SPEG: variants seen among roughly 807,000 people sequenced by gnomAD.
The protein encoded by SPEG is striated muscle preferentially expressed protein kinase.
SPEG carries 114 observed loss-of-function variants against 300.4 expected under a neutral mutation model. The observed-to-expected ratio is 0.38, with a 90% CI of 0.33 to 0.44. The LOEUF is 0.44. Ranked by LOEUF, SPEG falls within the 20% of genes least tolerant of loss-of-function variation. The pLI, the probability that SPEG is intolerant of heterozygous loss-of-function variation, is 1.00. For synonymous variants in SPEG, 1,964 were observed against 2,018.9 expected (o/e 0.97, Z 0.73); for missense variants, 4,201 against 4,586.2 (o/e 0.92, Z 2.43).
chr2:219,481,233 G>C lies in SPEG; in HGVS notation c.5370-71G>C. ...ACCCCAGAGCCTCCATCTGTCCCCA[G>C]CCCTGTGCCCCCACTGACATTCCCC... On this transcript the variant is annotated intron_variant, in intron 26 of 40. Coordinates refer to ENST00000312358, the MANE Select transcript of SPEG (RefSeq NM_005876.5). The surrounding 1 kb of genome is among the most constrained non-coding windows in gnomAD (Gnocchi z 5.4). The C allele has an allele frequency of 1.3e-6, 2 of 1,520,428 alleles. No individual in the cohort carries two copies. 94.2% of individuals were successfully genotyped at this position (1,520,428 alleles called of 1,614,324 possible).
chr2:219,449,290 C>A lies in SPEG; in HGVS notation c.2113+19C>A. 1 of 1,361,918 alleles carries A rather than the reference C, an allele frequency of 7.3e-7. No individual in the cohort carries two copies. The highest frequency in any genetic ancestry group is 9.5e-7 in the Non-Finnish European group (1 of 1,056,248). The allele number at this position is 1,361,918 out of a possible 1,614,324, so 84.4% of individuals were successfully genotyped here. ...GAGCTCGGTAAGGCCTCAGGGAGGGCTGACAAGGTGCCTGAACCCCCGTCG... is the reference window on the plus strand; with the variant it reads ...GAGCTCGGTAAGGCCTCAGGGAGGGATGACAAGGTGCCTGAACCCCCGTCG... On this transcript the variant is annotated intron_variant, in intron 4 of 40. Coordinates refer to ENST00000312358, the MANE Select transcript of SPEG (RefSeq NM_005876.5).
chr2:219,451,264 A>C lies in SPEG; in HGVS notation c.2242A>C (p.Asn748His). 3 of 1,610,748 alleles carry C rather than the reference A, an allele frequency of 1.9e-6. No individual in the cohort carries two copies. Among genetic ancestry groups the C allele is most frequent in the Non-Finnish European group, 2.5e-6 (3 of 1,178,590 alleles). ...GCTGCTCAAGTGTATCATCACTGCC[A>C]ACCCCCCGCCCCAAGGTGAGCTCCA... ...DVLLKCIITA[N>H]PPPQVSWHKD... The change falls in exon 5 of 41, where the codon AAC becomes CAC. Residue 748 changes from asparagine to histidine, a missense_variant. Asn to His is a moderately conservative substitution (Grantham distance 68). Around this residue, in one of 4 missense-constraint regions of SPEG, gnomAD observed 1,258 missense variants for 1,293.9 expected, o/e 0.97. Transcript: ENST00000312358. The surrounding 1 kb of genome is among the most constrained non-coding windows in gnomAD (Gnocchi z 6.4).
At position 219,458,198 on chromosome 2, in the gene SPEG, C is replaced by T. The variant is rs6754322; in HGVS notation, c.2441-3684C>T. On this transcript the variant is annotated intron_variant, in intron 6 of 40. Coordinates refer to ENST00000312358, the MANE Select transcript of SPEG (RefSeq NM_005876.5). The surrounding 1 kb of genome is among the most constrained non-coding windows in gnomAD (Gnocchi z 4.2). ...GAGGTGGCAGTGAGTAGGCAGAGAG[C>T]CCCATGACTTTTCAAGCCCTTGAGC... Among the ~76,000 whole-genome samples the T allele has an allele frequency of 0.019, 2,878 of 152,154 alleles. 86 individuals are homozygous for T. Among genetic ancestry groups the T allele is most frequent in the African/African-American group, 0.065 (2,715 of 41,488 alleles).
At chr2:219,442,933 G>A (rs1175593052) in intron 1 of SPEG, among the ~76,000 whole-genome samples, 1 of 152,092 alleles carries the variant, frequency 6.6e-6, no homozygotes, top group Non-Finnish European at 1.5e-5. Flanking sequence ...GAAGGCAGGG[G>A]AGTCATTCCC....
intron 1 of SPEG, among the ~76,000 whole-genome samples, chr2:219,436,549 A>T (rs1954725155): frequency 1.3e-5 from 2 of 152,148 alleles, no homozygotes; most frequent in African/African-American, 2.4e-5. Flanking sequence ...GAGGCTGGGG[A>T]GGAGGCACAG....
In SPEG at chr2:219,451,664, G is replaced by T. The variant is rs764535589; in HGVS notation, c.2297G>T (p.Gly766Val). ...GATGGGTCAGCGCTGCGCAGCGAGG[G>T]CCGCCTCCTCCTCCGGGCTGAGGGT... ...HKDGSALRSE[G>V]RLLLRAEGER... Residue 766 changes from glycine to valine, a missense_variant, in exon 6 of 41, where the codon GGC becomes GTC. Physicochemically the swap from Gly to Val is moderately radical, Grantham distance 109. Transcript: ENST00000312358. The surrounding 1 kb of genome is among the most constrained non-coding windows in gnomAD (Gnocchi z 6.4). 40 of 1,587,808 alleles carry T rather than the reference G, an allele frequency of 2.5e-5. No homozygotes were observed. The highest frequency in any genetic ancestry group is 3.2e-5 in the Non-Finnish European group (38 of 1,169,374).
rs760205918 is a variant in SPEG, at chr2:219,483,884, C to A, written c.6421C>A (p.Arg2141=). The change falls in exon 30 of 41, where the codon CGG becomes AGG. Residue 2141 remains arginine (R), a synonymous_variant. Coordinates refer to ENST00000312358, the MANE Select transcript of SPEG (RefSeq NM_005876.5). ...CCAGGGTGAGGCGGAGCCCCGGGGCCGGCACCGCCGAGCGGGGGCGCCCCT... is the reference window on the plus strand; with the variant it reads ...CCAGGGTGAGGCGGAGCCCCGGGGCAGGCACCGCCGAGCGGGGGCGCCCCT... ...FSQGEAEPRG[R]HRRAGAPLEI... The A allele has an allele frequency of 6.3e-7, 1 of 1,598,798 alleles. No homozygotes were observed. Among genetic ancestry groups the A allele is most frequent in the Non-Finnish European group, 8.5e-7 (1 of 1,177,810 alleles).
In SPEG at chr2:219,444,584, G is replaced by A. The variant is rs1689144753; in HGVS notation, c.389-69G>A. The A allele has an allele frequency of 1.5e-6, 2 of 1,353,308 alleles. No homozygotes were observed. The highest frequency in any genetic ancestry group is 2.1e-6 in the Non-Finnish European group (2 of 949,386). 83.8% of individuals were successfully genotyped at this position (1,353,308 alleles called of 1,614,324 possible). ...GGAGCCTGCTGTTGGCAGGGAGGCA[G>A]AAGGCAATAGGGAAGAGTTGGAGGC... On this transcript the variant is annotated intron_variant, in intron 1 of 40. Transcript: ENST00000312358. This position sits in a 1 kb window ranked among gnomAD's most constrained non-coding sequence, Gnocchi z 7.8.
chr2:219,477,321 C>G lies in SPEG; in HGVS notation c.4605C>G (p.Tyr1535Ter). 2 of 1,613,398 alleles carry G rather than the reference C, an allele frequency of 1.2e-6. No individual in the cohort carries two copies. Among genetic ancestry groups the G allele is most frequent in the Non-Finnish European group, 1.7e-6 (2 of 1,179,838 alleles). The change falls in exon 20 of 41, where the codon TAC becomes TAG. Residue 1535 changes from tyrosine (Y) to a stop codon, truncating the protein, a stop_gained. Coordinates refer to ENST00000312358, the MANE Select transcript of SPEG (RefSeq NM_005876.5). LOFTEE classifies it high-confidence loss of function. This position sits in a 1 kb window ranked among gnomAD's most constrained non-coding sequence, Gnocchi z 6.4. Reference sequence around the variant, plus strand: ...AGAGCAGCCATGTGAGCTTCGTGTACGAGGAGAATGAGTGCTCCCTGGTGG... The same window carrying G: ...AGAGCAGCCATGTGAGCTTCGTGTAGGAGGAGAATGAGTGCTCCCTGGTGG... ...LTESSHVSFV[Y>*]EENECSLVVL...
At chr2:219,472,858 A>G (rs373084179) in intron 15 of SPEG, 32 bp from the exon 16 acceptor site, 10 of 1,540,246 alleles carry the variant, frequency 6.5e-6, no homozygotes, top group Non-Finnish European at 8.8e-6. Context: ...TGCTCCTGCA[A>G]CAGCAGCCTC....
intron 4 of SPEG, chr2:219,450,590 T>C (rs537597340): frequency 6.6e-6 from 1 of 152,438 alleles, no homozygotes; most frequent in Admixed American, 6.5e-5. Flanking sequence ...GGTCACTATT[T>C]GGTGAACGGA....
Position 219,477,589 on chromosome 2 carries a change from C to G in SPEG, c.4730-100C>G. The G allele has an allele frequency of 7.3e-7, 1 of 1,376,028 alleles. No individual in the cohort carries two copies. The highest frequency in any genetic ancestry group is 9.9e-7 in the Non-Finnish European group (1 of 1,009,944). 85.2% of individuals were successfully genotyped at this position (1,376,028 alleles called of 1,614,324 possible). A position where few individuals can be genotyped will look rare whatever the true frequency, so the allele number is the denominator to read the frequency against. Reference sequence around the variant, plus strand: ...CACCCCGCCTTGAGCCCCCAACATTCTTGCACCTCTTCTCTCTTCTTCTTC... The same window carrying G: ...CACCCCGCCTTGAGCCCCCAACATTGTTGCACCTCTTCTCTCTTCTTCTTC... On this transcript the variant is annotated intron_variant, in intron 20 of 40. Transcript: ENST00000312358. This position sits in a 1 kb window ranked among gnomAD's most constrained non-coding sequence, Gnocchi z 6.4.
At position 219,444,596 on chromosome 2, in the gene SPEG, G is replaced by C; in HGVS notation, c.389-57G>C. On this transcript the variant is annotated intron_variant, in intron 1 of 40. Coordinates refer to ENST00000312358, the MANE Select transcript of SPEG (RefSeq NM_005876.5). This position sits in a 1 kb window ranked among gnomAD's most constrained non-coding sequence, Gnocchi z 7.8. The stretch of plus-strand genomic sequence containing the variant: ...TGGCAGGGAGGCAGAAGGCAATAGG[G>C]AAGAGTTGGAGGCAGAGGGAGGAGG... 6.8e-7 allele frequency: 1 copy of C among 1,461,466 alleles called. No individual in the cohort carries two copies. The highest frequency in any genetic ancestry group is 9.6e-7 in the Non-Finnish European group (1 of 1,044,252). The allele number at this position is 1,461,466 out of a possible 1,614,324, so 90.5% of individuals were successfully genotyped here. A position where few individuals can be genotyped will look rare whatever the true frequency, so the allele number is the denominator to read the frequency against.
In SPEG at chr2:219,443,924, G is replaced by A. The variant is rs1689093394; in HGVS notation, c.389-729G>A. The A allele has an allele frequency of 4.4e-6, 4 of 911,546 alleles. No individual in the cohort carries two copies. In the Admixed American group the frequency reaches 9.2e-5, roughly 21 times the overall value. 56.5% of individuals were successfully genotyped at this position (911,546 alleles called of 1,614,324 possible). ...GCCACAGGACACCTCTGGGGACTGG[G>A]TGCCTCACGCCCCTTCTGTCTTGAC... On this transcript the variant is annotated intron_variant, in intron 1 of 40. Transcript: ENST00000312358. The surrounding 1 kb of genome is among the most constrained non-coding windows in gnomAD (Gnocchi z 4.6).
Position 219,464,796 on chromosome 2 carries a change from C to G in SPEG, c.2881+188C>G, listed in dbSNP as rs1001676083. ...GAGACAGGAAGTGACCTGCCCAAAG[C>G]TGCACAGCACATTGTTCCGTGCTCA... On this transcript the variant is annotated intron_variant, in intron 9 of 40. Transcript: ENST00000312358. The surrounding 1 kb of genome is among the most constrained non-coding windows in gnomAD (Gnocchi z 4.5). The G allele has an allele frequency of 3.4e-6, 2 of 595,992 alleles. No homozygotes were observed. Among genetic ancestry groups the G allele is most frequent in the Non-Finnish European group, 6.0e-6 (2 of 335,578 alleles). The allele number at this position is 595,992 out of a possible 1,614,324, so 36.9% of individuals were successfully genotyped here.
In SPEG at chr2:219,492,159, G is replaced by A; in HGVS notation, c.9510G>A (p.Glu3170=). Residue 3170 remains glutamate (E), a synonymous_variant, in exon 40 of 41, where the codon GAG becomes GAA. Transcript: ENST00000312358. ...ATGAGCCAGACCCCCAGGAAACGGA[G>A]GCTCGGATTGTGGGGGGCCGCTTTG... ...PFYEPDPQET[E]ARIVGGRFDA... is the part of the protein sequence containing the mutation. The A allele has an allele frequency of 1.2e-6, 2 of 1,613,758 alleles. No homozygotes were observed. The highest frequency in any genetic ancestry group is 8.5e-7 in the Non-Finnish European group (1 of 1,179,890).
chr2:219,490,924 T>G lies in SPEG; in HGVS notation c.9353T>G (p.Leu3118Arg). ...TACAACCCCCAGGCCCTTAGGCCCC[T>G]TGGCCACCGCACGGGCACGCTGGAG... ...QPYNPQALRP[L>R]GHRTGTLEFM... Residue 3118 changes from leucine to arginine, a missense_variant, in exon 38 of 41, where the codon CTT becomes CGT. By Grantham distance (102) the Leu-to-Arg change is moderately radical. Coordinates refer to ENST00000312358, the MANE Select transcript of SPEG (RefSeq NM_005876.5). 1 of 1,613,484 alleles carries G rather than the reference T, an allele frequency of 6.2e-7. No individual in the cohort carries two copies. Among genetic ancestry groups the G allele is most frequent in the Non-Finnish European group, 8.5e-7 (1 of 1,179,958 alleles).
At position 219,445,183 on chromosome 2, in the gene SPEG, G is replaced by A. The variant is rs376046560; in HGVS notation, c.815+22G>A. The A allele has an allele frequency of 3.2e-6, 5 of 1,549,216 alleles. No individual in the cohort carries two copies. The highest frequency in any genetic ancestry group is 4.4e-6 in the Non-Finnish European group (5 of 1,144,976). Reference sequence around the variant, plus strand: ...ACGTGTAAGTAACGGCCTTACCTGGGCCTGAACTGCCCCATCTCACCACGC... The same window carrying A: ...ACGTGTAAGTAACGGCCTTACCTGGACCTGAACTGCCCCATCTCACCACGC... On this transcript the variant is annotated intron_variant, in intron 3 of 40. Coordinates refer to ENST00000312358, the MANE Select transcript of SPEG (RefSeq NM_005876.5). This position sits in a 1 kb window ranked among gnomAD's most constrained non-coding sequence, Gnocchi z 6.1.
intron 10 of SPEG, 73 bp from the exon 11 acceptor site, chr2:219,468,505 G>A: frequency 6.5e-7 from 1 of 1,538,882 alleles, no homozygotes; most frequent in Non-Finnish European, 8.8e-7. Context: ...TCAGCCTTAG[G>A]TCAGGAGTGG....
Sources: gnomAD v4.1 joint callset for allele counts (sites outside exome capture counted in the v4.1 genomes callset) on GRCh38, gnomAD v4.1.1 for gene constraint, gnomAD v4.1.1 regional missense constraint, Gnocchi (gnomAD v3.1) non-coding constraint, MANE v1.5 for transcripts, NCBI Gene and HGNC (gene_info 2026-07-23, HGNC 2026-07-21) for gene names.